Variants in CEP350 observed in about 807,000 individuals in gnomAD.
CEP350 encodes centrosomal protein 350, also known as centrosome-associated protein 350.
A neutral mutation model predicts 331.8 loss-of-function variants in CEP350; 126 were observed. The ratio of observed to expected loss-of-function variants is 0.38; its 90% CI spans 0.33 to 0.44. The LOEUF (loss-of-function observed/expected upper bound fraction) is 0.44, where lower values mean the gene tolerates loss of function less well. Ranked by LOEUF, CEP350 falls within the 20% of genes least tolerant of loss-of-function variation. The probability of loss-of-function intolerance (pLI) is 1.00; values close to 1 mark genes in which losing one functional copy is unlikely to be tolerated. For synonymous variants in CEP350, 1,200 were observed against 1,259.5 expected (o/e 0.95, Z 1.00); for missense variants, 3,406 against 3,634.6 (o/e 0.94, Z 1.62).
At chr1:180,086,777 A>C (rs1432290284) in intron 31 of CEP350, among the ~76,000 whole-genome samples, 1 of 152,170 alleles carries the variant, frequency 6.6e-6, no homozygotes, top group Non-Finnish European at 1.5e-5. Flanking sequence ...AACATGGATG[A>C]TGAGAGTTGT....
chr1:179,973,069 A>G (rs898584102), intron 1 of CEP350, among the ~76,000 whole-genome samples: 1 of 151,754 alleles, frequency 6.6e-6, no homozygotes, highest in African/African-American at 2.4e-5. Context: ...GGGTTTCACC[A>G]TGTTAGCCAG....
In CEP350 at chr1:180,065,139, A is replaced by G. The variant is rs750978682; in HGVS notation, c.5434A>G (p.Lys1812Glu). Reference sequence around the variant, plus strand: ...GGACTCTCATAGTGATGATGATACAAAGGATAATAAGGCAACCAGTCCTGG... The same window carrying G: ...GGACTCTCATAGTGATGATGATACAGAGGATAATAAGGCAACCAGTCCTGG... ...KLDSHSDDDT[K>E]DNKATSPGPT... The change falls in exon 27 of 38, where the codon AAG becomes GAG. Residue 1812 changes from lysine to glutamate, a missense_variant. Physicochemically the swap from Lys to Glu is moderately conservative, Grantham distance 56. Coordinates refer to ENST00000367607, the MANE Select transcript of CEP350 (RefSeq NM_014810.5). 6.8e-6 allele frequency: 11 copies of G among 1,608,210 alleles called. No individual in the cohort carries two copies. Among genetic ancestry groups the G allele is most frequent in the South Asian group, 1.1e-5 (1 of 89,608 alleles).
At chr1:180,075,312 C>A in intron 28 of CEP350, 91 bp downstream of exon 28, 1 of 1,287,152 alleles carries the variant, frequency 7.8e-7, no homozygotes, top group Non-Finnish European at 1.1e-6. Flanking sequence ...CGAGGCTGGG[C>A]GCAGTGGCTC....
intron 1 of CEP350, among the ~76,000 whole-genome samples, chr1:179,958,751 A>G (rs528921460): frequency 2.0e-5 from 3 of 152,338 alleles, no homozygotes; most frequent in East Asian, 1.9e-4. Context: ...TAAGCGCCAC[A>G]TAAGTGTTTG....
chr1:180,027,567 G>A (rs912295033), intron 14 of CEP350, among the ~76,000 whole-genome samples: 2 of 151,826 alleles, frequency 1.3e-5, no homozygotes, highest in Non-Finnish European at 2.9e-5. Flanking sequence ...CTATTTTTTT[G>A]TAGGGATGGC....
chr1:180,074,860 C>A (rs1659123037), intron 27 of CEP350, among the ~76,000 whole-genome samples, 162 bp from the exon 28 acceptor site: 1 of 152,122 alleles, frequency 6.6e-6, no homozygotes, highest in African/African-American at 2.4e-5. Context: ...CAAGTTGACT[C>A]ATGAAAGCTT....
chr1:180,013,820 A>G (rs1571866975), intron 9 of CEP350, 27 bp from the exon 10 acceptor site: 9 of 1,549,666 alleles, frequency 5.8e-6, no homozygotes, highest in Middle Eastern at 1.7e-4. Context: ...GAATTTCGGT[A>G]TATCACTAAC....
At chr1:180,019,144 G>T (rs957851382) in intron 11 of CEP350, among the ~76,000 whole-genome samples, 1 of 152,046 alleles carries the variant, frequency 6.6e-6, no homozygotes, top group African/African-American at 2.4e-5. Flanking sequence ...GGCATCAGCC[G>T]CTGTTCCTGG....
Position 180,036,907 on chromosome 1 carries a change from C to G in CEP350, c.3947-19C>G. 7 of 1,497,368 alleles carry G rather than the reference C, an allele frequency of 4.7e-6. No homozygotes were observed. Among genetic ancestry groups the G allele is most frequent in the Non-Finnish European group, 6.2e-6 (7 of 1,122,134 alleles). 92.8% of individuals were successfully genotyped at this position (1,497,368 alleles called of 1,614,324 possible). A position where few individuals can be genotyped will look rare whatever the true frequency, so the allele number is the denominator to read the frequency against. ...ATTTCATGTTAACTTTTCCATTTGACCATTGTCATGCCTTCCAGGTTCTAA... is the reference window on the plus strand; with the variant it reads ...ATTTCATGTTAACTTTTCCATTTGAGCATTGTCATGCCTTCCAGGTTCTAA... On this transcript the variant is annotated intron_variant, in intron 16 of 37. Coordinates refer to ENST00000367607, the MANE Select transcript of CEP350 (RefSeq NM_014810.5).
At chr1:180,057,489 G>A (rs1367153790) in intron 25 of CEP350, among the ~76,000 whole-genome samples, 1 of 150,392 alleles carries the variant, frequency 6.6e-6, no homozygotes, top group Non-Finnish European at 1.5e-5. Flanking sequence ...GGCCATGTGT[G>A]CCTCTATTAT....
At chr1:179,982,970 T>C (rs1652388196) in intron 1 of CEP350, among the ~76,000 whole-genome samples, 2 of 151,974 alleles carry the variant, frequency 1.3e-5, no homozygotes, top group South Asian at 4.2e-4. Context: ...TTTGTATTTT[T>C]AGTAGAGACA....
At chr1:179,965,022 T>C (rs1650902902) in intron 1 of CEP350, among the ~76,000 whole-genome samples, 2 of 152,156 alleles carry the variant, frequency 1.3e-5, no homozygotes, top group Admixed American at 6.5e-5. Flanking sequence ...ACTGTCTTTT[T>C]GATGTAGGCA....
rs184094313 is a variant in CEP350, at chr1:180,046,325, G to A, written c.4622+2152G>A. Among the ~76,000 whole-genome samples the A allele has an allele frequency of 1.6e-4, 25 of 152,244 alleles. No individual in the cohort carries two copies. In the East Asian group the frequency reaches 4.6e-3, roughly 28 times the overall value. On this transcript the variant is annotated intron_variant, in intron 21 of 37. Coordinates refer to ENST00000367607, the MANE Select transcript of CEP350 (RefSeq NM_014810.5). ...CTATTCTGGATTTTTTATATAAATG[G>A]CATCATTACAGTATGTGGCCCTTTG...
intron 12 of CEP350, among the ~76,000 whole-genome samples, chr1:180,022,174 A>G (rs1655370359): frequency 1.3e-5 from 2 of 152,130 alleles, no homozygotes; most frequent in African/African-American, 4.8e-5. Flanking sequence ...CCACATTTCT[A>G]TTAGTGGTAA....
At chr1:180,004,886 GCTTGCTTGCTTGCTTGCTTGCTTT>G (rs1264291147) in intron 7 of CEP350, among the ~76,000 whole-genome samples, 473 of 55,610 alleles carry the variant, frequency 8.5e-3, no homozygotes, top group African/African-American at 0.023. Flanking sequence ...TTGCTTGCTT[GCTTGCTTGCTTGCTTGCTTGCTTT>G]CTTTCTTTCT....
At chr1:180,056,891 C>T (rs940767369) in intron 25 of CEP350, among the ~76,000 whole-genome samples, 6 of 152,096 alleles carry the variant, frequency 3.9e-5, no homozygotes, top group Non-Finnish European at 5.9e-5. Flanking sequence ...AAATTAAAAA[C>T]TAAAAACACT....
chr1:179,991,699 GTGTGTGTGTA>G (rs1416165569), intron 4 of CEP350, among the ~76,000 whole-genome samples: 4 of 131,968 alleles, frequency 3.0e-5, no homozygotes, highest in South Asian at 5.0e-4. Context: ...GTGTGTGTGT[GTGTGTGTGTA>G]TATATATATA....
intron 27 of CEP350, among the ~76,000 whole-genome samples, chr1:180,067,044 C>T (rs1226329264): frequency 6.6e-6 from 1 of 152,104 alleles, no homozygotes; most frequent in African/African-American, 2.4e-5. Context: ...AAACTTAATT[C>T]CAGTCTGACC....
At chr1:179,975,337 C>A (rs745532805) in intron 1 of CEP350, among the ~76,000 whole-genome samples, 7 of 152,054 alleles carry the variant, frequency 4.6e-5, no homozygotes, top group Non-Finnish European at 7.4e-5. Context: ...GAGCTCTGTC[C>A]CATAAATGAT....
Sources: gnomAD v4.1 joint callset for allele counts (sites outside exome capture counted in the v4.1 genomes callset) on GRCh38, gnomAD v4.1.1 for gene constraint, MANE v1.5 for transcripts, NCBI Gene and HGNC (gene_info 2026-07-23, HGNC 2026-07-21) for gene names.